MME: variants seen among roughly 807,000 people sequenced by gnomAD.
MME encodes neprilysin.
A neutral mutation model predicts 113.2 loss-of-function variants in MME; 98 were observed. The ratio of observed to expected loss-of-function variants is 0.87; its 90% CI spans 0.74 to 1.02. The LOEUF (loss-of-function observed/expected upper bound fraction) is 1.02, where lower values mean the gene tolerates loss of function less well. Among genes scored for constraint, MME ranks in the 50% least tolerant of loss-of-function variants. MME has a pLI of 0.00. For missense variants in MME, 836 were observed against 896.0 expected (o/e 0.93, Z 0.86); for synonymous variants, 292 against 300.6 (o/e 0.97, Z 0.30).
At chr3:155,096,946 G>T (rs1716792624) in intron 3 of MME, among the ~76,000 whole-genome samples, 1 of 152,156 alleles carries the variant, frequency 6.6e-6, no homozygotes, top group Non-Finnish European at 1.5e-5. Flanking sequence ...GAAATGGACA[G>T]ATTTGAGAAA....
chr3:155,182,130 C>T lies in MME; in HGVS notation c.*1671C>T, dbSNP rs1713153418. 6.6e-6 allele frequency: 1 copy of T among 152,180 alleles called. No individual in the cohort carries two copies. Among genetic ancestry groups the T allele is most frequent in the Non-Finnish European group, 1.5e-5 (1 of 68,030 alleles). 9.4% of individuals were successfully genotyped at this position (152,180 alleles called of 1,614,324 possible). ...CCTGACTTCTAATATCATTCACTAG[C>T]TTTGCCTGGTTTTGTCTTTTATGCA... On this transcript the variant is annotated 3_prime_UTR_variant, in exon 23 of 23. Transcript: ENST00000360490.
intron 1 of MME, among the ~76,000 whole-genome samples, chr3:155,055,727 C>T (rs1394202433): frequency 3.9e-5 from 6 of 151,990 alleles, no homozygotes; most frequent in Admixed American, 3.3e-4. Flanking sequence ...TAGAAAGGAG[C>T]CCAAAGAGGT....
chr3:155,087,724 T>G (rs61762341), intron 3 of MME, among the ~76,000 whole-genome samples: 6 of 152,190 alleles, frequency 3.9e-5, no homozygotes, highest in Non-Finnish European at 7.3e-5. Flanking sequence ...CTTCTTTTCC[T>G]TGAATTTTAT....
Position 155,168,713 on chromosome 3 carries a change from A to G in MME, c.1915-19A>G. The G allele has an allele frequency of 6.2e-6, 10 of 1,612,524 alleles. No homozygotes were observed. The highest frequency in any genetic ancestry group is 1.3e-5 in the African/African-American group (1 of 75,012). On this transcript the variant is annotated intron_variant, in intron 19 of 22. Coordinates refer to ENST00000360490, the MANE Select transcript of MME (RefSeq NM_007289.4). ...GGTTTCTTTTTTTAACAATCCTAATAAAGTGTCTTTTTTAACAGCTTAATG... is the reference window on the plus strand; with the variant it reads ...GGTTTCTTTTTTTAACAATCCTAATGAAGTGTCTTTTTTAACAGCTTAATG...
chr3:155,068,102 A>C (rs1328919512), intron 1 of MME, among the ~76,000 whole-genome samples: 1 of 152,252 alleles, frequency 6.6e-6, no homozygotes, highest in Non-Finnish European at 1.5e-5. Flanking sequence ...AATAATAAAC[A>C]AAAGAATGAA....
chr3:155,090,127 A>G, intron 3 of MME: 1 of 163,858 alleles, frequency 6.1e-6, no homozygotes, highest in Non-Finnish European at 1.4e-5. Context: ...CAGGTTGTAC[A>G]CTGCATATTT....
chr3:155,171,480 T>C (rs970103564), intron 20 of MME, among the ~76,000 whole-genome samples: 2 of 152,208 alleles, frequency 1.3e-5, no homozygotes, highest in African/African-American at 4.8e-5. Context: ...AAAACTCATT[T>C]TTTTCAGTAG....
At chr3:155,148,153 A>G (rs937513086) in intron 15 of MME, among the ~76,000 whole-genome samples, 1 of 152,164 alleles carries the variant, frequency 6.6e-6, no homozygotes, top group Admixed American at 6.6e-5. Flanking sequence ...TGAACATAAT[A>G]TTAGATTCTA....
chr3:155,063,480 ATT>A (rs1416781200), intron 1 of MME, among the ~76,000 whole-genome samples: 9 of 107,130 alleles, frequency 8.4e-5, no homozygotes, highest in African/African-American at 3.7e-4. Flanking sequence ...TATTTTTATT[ATT>A]TTATATATAT....
intron 16 of MME, chr3:155,158,715 A>G (rs1400627672): frequency 1.3e-5 from 2 of 152,038 alleles, no homozygotes; most frequent in African/African-American, 4.8e-5. Context: ...TTACACATAC[A>G]TGTTTTTCTT....
intron 1 of MME, among the ~76,000 whole-genome samples, chr3:155,035,146 C>CGT (rs1173372511): frequency 6.6e-6 from 1 of 151,456 alleles, no homozygotes; most frequent in Non-Finnish European, 1.5e-5. Flanking sequence ...AGGAAAAATA[C>CGT]GTGTGTGTGT....
At chr3:155,046,861 G>C (rs1297197873) in intron 1 of MME, among the ~76,000 whole-genome samples, 1 of 152,032 alleles carries the variant, frequency 6.6e-6, no homozygotes, top group Non-Finnish European at 1.5e-5. Context: ...TAGAGGATAA[G>C]GTTCTAAAGA....
At chr3:155,114,095 A>C (rs530303801) in intron 3 of MME, among the ~76,000 whole-genome samples, 10 of 152,294 alleles carry the variant, frequency 6.6e-5, no homozygotes, top group African/African-American at 9.6e-5. Context: ...CTCATCTGAG[A>C]GCTTATATTC....
At chr3:155,031,575 G>A (rs941232619) in intron 1 of MME, among the ~76,000 whole-genome samples, 7 of 152,172 alleles carry the variant, frequency 4.6e-5, no homozygotes, top group African/African-American at 1.7e-4. Context: ...ATGTCTTTTA[G>A]AAGCTTCTAA....
At chr3:155,143,681 G>A in intron 13 of MME, 110 bp downstream of exon 13, 1 of 1,297,818 alleles carries the variant, frequency 7.7e-7, no homozygotes, top group Non-Finnish European at 1.1e-6. Flanking sequence ...TATTAATTTA[G>A]GCAGAGAACC....
In MME at chr3:155,147,229, G is replaced by A. The variant is rs1721587504; in HGVS notation, c.1497+5G>A. ...CTGAATAATGAGTACCTCGAGGTAA[G>A]TCTCTATAAAATAGACTCTGGACTA... On this transcript the variant is annotated splice_donor_5th_base_variant and intron_variant, in intron 15 of 22. Transcript: ENST00000360490. The A allele has an allele frequency of 6.4e-7, 1 of 1,562,362 alleles. No homozygotes were observed. Among genetic ancestry groups the A allele is most frequent in the Non-Finnish European group, 8.8e-7 (1 of 1,133,070 alleles).
At chr3:155,115,941 C>CT in intron 4 of MME, among the ~76,000 whole-genome samples, 1 of 152,274 alleles carries the variant, frequency 6.6e-6, no homozygotes, top group South Asian at 2.1e-4. Flanking sequence ...CCTTTGTTCT[C>CT]TGTTCTCCCC....
intron 3 of MME, among the ~76,000 whole-genome samples, chr3:155,104,639 A>G (rs777916576): frequency 6.6e-6 from 1 of 152,188 alleles, no homozygotes; most frequent in East Asian, 1.9e-4. Context: ...AAATAACACA[A>G]TGTTTAAACA....
At chr3:155,138,323 G>A in intron 9 of MME, 87 bp downstream of exon 9, 4 of 1,394,222 alleles carry the variant, frequency 2.9e-6, no homozygotes, top group Non-Finnish European at 3.0e-6. Flanking sequence ...AGAGTAAAAG[G>A]TACAGCACTT....
Sources: allele counts gnomAD v4.1 joint callset (sites outside exome capture counted in the v4.1 genomes callset), GRCh38; gene constraint gnomAD v4.1.1; transcripts MANE v1.5; gene names NCBI Gene and HGNC (gene_info 2026-07-23, HGNC 2026-07-21).